ARHGAP10: variants seen among roughly 807,000 people sequenced by gnomAD.
The protein encoded by ARHGAP10 is Rho GTPase activating protein 10.
A neutral mutation model predicts 108.6 loss-of-function variants in ARHGAP10; 87 were observed. The observed-to-expected ratio is 0.80, with a 90% confidence interval of 0.67 to 0.96. The LOEUF (loss-of-function observed/expected upper bound fraction) is 0.96, where lower values mean the gene tolerates loss of function less well. ARHGAP10 is among the 40% of genes least tolerant of loss of function. ARHGAP10 has a pLI of 0.00. For missense variants in ARHGAP10, 939 were observed against 954.5 expected (o/e 0.98, Z 0.21); for synonymous variants, 347 against 341.1 (o/e 1.02, Z -0.19).
intron 11 of ARHGAP10, among the ~76,000 whole-genome samples, chr4:147,908,374 G>A (rs1005108583): frequency 1.3e-5 from 2 of 152,086 alleles, no homozygotes; most frequent in African/African-American, 2.4e-5. Flanking sequence ...TTTGCGTAGC[G>A]AAAAGACTAA....
At chr4:148,040,884 A>G (rs1728608005) in intron 19 of ARHGAP10, among the ~76,000 whole-genome samples, 2 of 152,072 alleles carry the variant, frequency 1.3e-5, no homozygotes, top group Non-Finnish European at 2.9e-5. Flanking sequence ...TTGGCTGAAC[A>G]TTTTCTGAAT....
chr4:148,002,522 G>A (rs1231689967), intron 18 of ARHGAP10, among the ~76,000 whole-genome samples: 2 of 152,106 alleles, frequency 1.3e-5, no homozygotes, highest in African/African-American at 4.8e-5. Context: ...GGTAGAATTC[G>A]GCTGTGAATC....
chr4:147,771,683 C>T (rs1171427537), intron 1 of ARHGAP10, among the ~76,000 whole-genome samples: 4 of 152,156 alleles, frequency 2.6e-5, no homozygotes, highest in Admixed American at 1.3e-4. Flanking sequence ...TCTTTATATT[C>T]TATCCAAGTA....
intron 18 of ARHGAP10, among the ~76,000 whole-genome samples, chr4:147,981,439 G>A (rs1033664362): frequency 1.3e-5 from 2 of 152,100 alleles, no homozygotes; most frequent in Non-Finnish European, 2.9e-5. Context: ...TATGATTTCA[G>A]TTTTTAAAAA....
chr4:148,016,694 G>T (rs1741359936), intron 18 of ARHGAP10, among the ~76,000 whole-genome samples: 1 of 152,086 alleles, frequency 6.6e-6, no homozygotes, highest in South Asian at 2.1e-4. Context: ...CGTCTACCTG[G>T]AGGTAGTGCC....
intron 18 of ARHGAP10, among the ~76,000 whole-genome samples, chr4:147,967,859 G>C (rs543338041): frequency 6.6e-6 from 1 of 152,196 alleles, no homozygotes; most frequent in Non-Finnish European, 1.5e-5. Context: ...ATAGCCATGC[G>C]TATTCTGTTA....
At position 147,742,918 on chromosome 4, in the gene ARHGAP10, T is replaced by TA. The variant is rs397734422; in HGVS notation, c.154+10466dup. Among the ~76,000 whole-genome samples the TA allele has an allele frequency of 6.6e-5, 10 of 151,006 alleles. No homozygotes were observed. The South Asian group carries it at 1.7e-3, about 25-fold the overall frequency. On this transcript the variant is annotated intron_variant, in intron 1 of 22. Coordinates refer to ENST00000336498, the MANE Select transcript of ARHGAP10 (RefSeq NM_024605.4). The stretch of plus-strand genomic sequence containing the variant: ...TTACTGAAAGCCTTTTTTTTTTTTT[T>TA]AAAGTTTTGGGGACAAAGCCAGAAG...
chr4:147,828,253 TA>T (rs1375751312), intron 3 of ARHGAP10, among the ~76,000 whole-genome samples: 3 of 152,320 alleles, frequency 2.0e-5, no homozygotes, highest in African/African-American at 7.2e-5. Flanking sequence ...AGGCAAACAG[TA>T]ATGTCAACTA....
At chr4:147,882,027 C>T in intron 10 of ARHGAP10, 95 bp downstream of exon 10, 1 of 1,129,828 alleles carries the variant, frequency 8.9e-7, no homozygotes, top group Non-Finnish European at 1.3e-6. Context: ...TTTCTGTGGC[C>T]TGGGAGAATG....
At chr4:147,943,103 A>G (rs560922288) in intron 14 of ARHGAP10, among the ~76,000 whole-genome samples, 1 of 152,344 alleles carries the variant, frequency 6.6e-6, no homozygotes, top group Admixed American at 6.5e-5. Flanking sequence ...ACAATAGTTC[A>G]TGGTAGATTA....
chr4:148,012,233 G>A (rs1055132088), intron 18 of ARHGAP10, among the ~76,000 whole-genome samples: 15 of 152,226 alleles, frequency 9.9e-5, no homozygotes, highest in African/African-American at 2.9e-4. Flanking sequence ...CAAGGCCTAA[G>A]TGAAGTGATA....
chr4:147,788,523 A>G (rs1730988427), intron 1 of ARHGAP10, among the ~76,000 whole-genome samples: 1 of 152,180 alleles, frequency 6.6e-6, no homozygotes, highest in Non-Finnish European at 1.5e-5. Context: ...TTGTTTGTCC[A>G]GTCCTTGGTG....
At chr4:147,966,526 G>C (rs1355069382) in intron 17 of ARHGAP10, among the ~76,000 whole-genome samples, 154 bp from the exon 18 acceptor site, 4 of 152,156 alleles carry the variant, frequency 2.6e-5, no homozygotes, top group African/African-American at 4.8e-5. Context: ...TGCATGGAGG[G>C]TTTCTCAGAT....
chr4:147,776,510 G>C (rs78702601), intron 1 of ARHGAP10, among the ~76,000 whole-genome samples: 1,946 of 152,264 alleles, frequency 0.013, 19 homozygotes, highest in Non-Finnish European at 0.018. Flanking sequence ...ATGAGCTACC[G>C]TGCCCAGCCT....
At chr4:147,769,189 G>C (rs1461433779) in intron 1 of ARHGAP10, among the ~76,000 whole-genome samples, 1 of 152,154 alleles carries the variant, frequency 6.6e-6, no homozygotes, top group Non-Finnish European at 1.5e-5. Flanking sequence ...ATACATAGCA[G>C]TTCTGGTCAT....
intron 1 of ARHGAP10, among the ~76,000 whole-genome samples, chr4:147,747,972 T>A (rs965995162): frequency 1.3e-5 from 2 of 152,162 alleles, no homozygotes; most frequent in African/African-American, 4.8e-5. Flanking sequence ...CTATGGTTTC[T>A]AGCGGGCAGA....
rs139990305 is a variant in ARHGAP10, at chr4:147,857,643, C to A, written c.475C>A (p.His159Asn). ...TTTATCAGCAAAAAAGAAAGACTCA[C>A]ATTTACAAGAGGTATAATTTTTTAT... ...LNLSAKKKDS[H>N]LQEADIQVEQ... is the part of the protein sequence containing the mutation. Residue 159 changes from histidine (H) to asparagine (N), a missense_variant, in exon 5 of 23, where the codon CAT becomes AAT. His to Asn is a moderately conservative substitution (Grantham distance 68, BLOSUM62 1). Transcript: ENST00000336498. The A allele has an allele frequency of 2.7e-6, 4 of 1,480,372 alleles. No homozygotes were observed. Among genetic ancestry groups the A allele is most frequent in the Admixed American group, 2.6e-5 (1 of 37,820 alleles). The allele number at this position is 1,480,372 out of a possible 1,614,324, so 91.7% of individuals were successfully genotyped here. A position where few individuals can be genotyped will look rare whatever the true frequency, so the allele number is the denominator to read the frequency against.
chr4:147,921,963 C>T (rs1336675373), intron 13 of ARHGAP10, among the ~76,000 whole-genome samples: 2 of 152,150 alleles, frequency 1.3e-5, no homozygotes, highest in Non-Finnish European at 1.5e-5. Flanking sequence ...ATGATGGAGT[C>T]ATCTGCTCTG....
chr4:147,901,458 A>G (rs17024109), intron 10 of ARHGAP10, among the ~76,000 whole-genome samples: 4,816 of 152,318 alleles, frequency 0.032, 186 homozygotes, highest in African/African-American at 0.093. Context: ...TTATCATTAC[A>G]TTATTTGCCA....
Sources: allele counts gnomAD v4.1 joint callset (sites outside exome capture counted in the v4.1 genomes callset), GRCh38; gene constraint gnomAD v4.1.1; transcripts MANE v1.5; gene names NCBI Gene and HGNC (gene_info 2026-07-23, HGNC 2026-07-21).